Variants in CADM1 observed in about 807,000 individuals in gnomAD.
The protein encoded by CADM1 is cell adhesion molecule 1.
A neutral mutation model predicts 53.1 loss-of-function variants in CADM1; 15 were observed. The observed-to-expected ratio is 0.28, with a 90% CI of 0.19 to 0.44. CADM1 has a LOEUF of 0.44. Among genes scored for constraint, CADM1 ranks in the 20% least tolerant of loss-of-function variants. CADM1 has a pLI of 1.00. For missense variants in CADM1, 434 were observed against 611.3 expected, an observed-to-expected ratio of 0.71 and a Z score of 3.06; for synonymous variants, 281 against 243.0, an observed-to-expected ratio of 1.16 and a Z score of -1.45.
intron 8 of CADM1, among the ~76,000 whole-genome samples, chr11:115,202,893 G>A (rs368411677): frequency 3.3e-5 from 5 of 150,536 alleles, no homozygotes; most frequent in South Asian, 2.1e-4. Flanking sequence ...GAACTCGATC[G>A]AAAACAAAAA....
chr11:115,209,712 C>G, intron 7 of CADM1, 55 bp from the exon 8 acceptor site: 1 of 1,599,780 alleles, frequency 6.3e-7, no homozygotes, highest in East Asian at 2.2e-5. Context: ...CAACAATGAC[C>G]AGTAATGACA....
intron 9 of CADM1, 131 bp downstream of exon 9, chr11:115,198,275 T>A: frequency 1.5e-6 from 1 of 664,258 alleles, no homozygotes; most frequent in Non-Finnish European, 2.6e-6. Flanking sequence ...CCTTAAAAAA[T>A]TATAGTATAT....
chr11:115,229,326 TG>T, intron 4 of CADM1, 55 bp from the exon 5 acceptor site: 1 of 1,541,526 alleles, frequency 6.5e-7, no homozygotes. Context: ...TCCATCAGTT[TG>T]TTTTTATGTC....
At chr11:115,254,639 T>C (rs1942723154) in intron 1 of CADM1, among the ~76,000 whole-genome samples, 1 of 151,650 alleles carries the variant, frequency 6.6e-6, no homozygotes, top group Admixed American at 6.6e-5. Context: ...ACTAATATGC[T>C]ATGGGTACCA....
At chr11:115,327,430 T>G (rs1944986871) in intron 1 of CADM1, among the ~76,000 whole-genome samples, 1 of 152,234 alleles carries the variant, frequency 6.6e-6, no homozygotes, top group African/African-American at 2.4e-5. Context: ...GCATTAAGAA[T>G]GCTTTTTCAT....
intron 1 of CADM1, among the ~76,000 whole-genome samples, chr11:115,407,417 T>C (rs565580930): frequency 2.0e-5 from 3 of 152,252 alleles, no homozygotes; most frequent in South Asian, 4.1e-4. Flanking sequence ...AGCACAGGTA[T>C]GGTGTGTGGG....
At chr11:115,301,507 C>T (rs914463842) in intron 1 of CADM1, among the ~76,000 whole-genome samples, 2 of 152,060 alleles carry the variant, frequency 1.3e-5, no homozygotes, top group Non-Finnish European at 2.9e-5. Context: ...GAGAGTGCAT[C>T]ACATAAAAAT....
chr11:115,477,632 C>CT (rs1949165076), intron 1 of CADM1, among the ~76,000 whole-genome samples: 1 of 152,246 alleles, frequency 6.6e-6, no homozygotes, highest in Non-Finnish European at 1.5e-5. Flanking sequence ...CTGCTCCACT[C>CT]TGTGTGCTAA....
intron 1 of CADM1, among the ~76,000 whole-genome samples, chr11:115,420,621 C>G (rs1049684762): frequency 6.6e-6 from 1 of 152,100 alleles, no homozygotes; most frequent in African/African-American, 2.4e-5. Flanking sequence ...GGTCTCCAGC[C>G]AAAACAGGAG....
At chr11:115,418,484 T>C (rs939719396) in intron 1 of CADM1, among the ~76,000 whole-genome samples, 5 of 152,180 alleles carry the variant, frequency 3.3e-5, no homozygotes, top group Admixed American at 6.6e-5. Flanking sequence ...CATAAGCCAT[T>C]GGGGGTTTGC....
chr11:115,169,847 C>T lies in CADM1; in HGVS notation c.*6627G>A, dbSNP rs112599074. The T allele has an allele frequency of 3.8e-6, 1 of 264,526 alleles. No homozygotes were observed. The highest frequency in any genetic ancestry group is 7.6e-6 in the Non-Finnish European group (1 of 131,604). The allele number at this position is 264,526 out of a possible 1,614,324, so 16.4% of individuals were successfully genotyped here. A position where few individuals can be genotyped will look rare whatever the true frequency, so the allele number is the denominator to read the frequency against. ...AATACACAACTACAGAGAAAACAAACCAAAAAGAGTAATAAAGTCACACAT... is the reference window on the plus strand; with the variant it reads ...AATACACAACTACAGAGAAAACAAATCAAAAAGAGTAATAAAGTCACACAT... On this transcript the variant is annotated 3_prime_UTR_variant, in exon 12 of 12. Transcript: ENST00000331581.
At chr11:115,445,280 A>T (rs1948423217) in intron 1 of CADM1, among the ~76,000 whole-genome samples, 1 of 152,150 alleles carries the variant, frequency 6.6e-6, no homozygotes, top group African/African-American at 2.4e-5. Flanking sequence ...AGTGATAAGC[A>T]GTCGGCTTGG....
At chr11:115,276,699 C>G (rs1943455221) in intron 1 of CADM1, among the ~76,000 whole-genome samples, 1 of 152,136 alleles carries the variant, frequency 6.6e-6, no homozygotes, top group Admixed American at 6.5e-5. Context: ...TAAAAACTAA[C>G]TTACAAGTAT....
intron 1 of CADM1, among the ~76,000 whole-genome samples, chr11:115,421,665 T>G (rs911618374): frequency 6.6e-6 from 1 of 152,134 alleles, no homozygotes; most frequent in Non-Finnish European, 1.5e-5. Flanking sequence ...AAATAAAAGT[T>G]CAGTTTCTAG....
At chr11:115,282,544 T>C (rs756079053) in intron 1 of CADM1, among the ~76,000 whole-genome samples, 1 of 152,186 alleles carries the variant, frequency 6.6e-6, no homozygotes, top group Non-Finnish European at 1.5e-5. Context: ...TATAAAAACA[T>C]AGCCCAGAAT....
intron 7 of CADM1, among the ~76,000 whole-genome samples, chr11:115,212,808 T>C (rs899415567): frequency 6.6e-6 from 1 of 152,194 alleles, no homozygotes; most frequent in Non-Finnish European, 1.5e-5. Context: ...TAAAATGGGA[T>C]CGTGATAATG....
intron 7 of CADM1, among the ~76,000 whole-genome samples, chr11:115,211,873 G>T (rs912561059): frequency 6.6e-6 from 1 of 152,070 alleles, no homozygotes; most frequent in African/African-American, 2.4e-5. Context: ...ATCTGAAGGT[G>T]ATTTGAAAAT....
chr11:115,270,347 G>A (rs1439388600), intron 1 of CADM1, among the ~76,000 whole-genome samples: 1 of 152,124 alleles, frequency 6.6e-6, no homozygotes, highest in Non-Finnish European at 1.5e-5. Flanking sequence ...ATTTTACAGA[G>A]GGGGAAAAAT....
At chr11:115,443,435 C>A (rs920530704) in intron 1 of CADM1, among the ~76,000 whole-genome samples, 3 of 152,092 alleles carry the variant, frequency 2.0e-5, no homozygotes, top group African/African-American at 7.2e-5. Flanking sequence ...GGCTTGGAAC[C>A]CAGAAGTCAA....
Sources: gnomAD v4.1 joint callset for allele counts (sites outside exome capture counted in the v4.1 genomes callset) on GRCh38, gnomAD v4.1.1 for gene constraint, MANE v1.5 for transcripts, NCBI Gene and HGNC (gene_info 2026-07-23, HGNC 2026-07-21) for gene names.